Variants in FBXL13 observed in about 807,000 individuals in gnomAD.
The protein encoded by FBXL13 is F-box and leucine-rich repeat protein 13.
In FBXL13, 67 loss-of-function variants were observed where a neutral mutation model predicts 83.6. That is an observed-to-expected ratio of 0.80 (90% CI 0.66 to 0.98). The LOEUF is 0.98. Among genes scored for constraint, FBXL13 ranks in the 50% least tolerant of loss-of-function variants. The probability of loss-of-function intolerance (pLI) is 0.00; values close to 1 mark genes in which losing one functional copy is unlikely to be tolerated. For synonymous variants in FBXL13, 272 were observed against 299.5 expected (o/e 0.91, Z 0.95); for missense variants, 822 against 866.5 (o/e 0.95, Z 0.64).
At chr7:103,029,503 A>G (rs1341466913) in intron 2 of FBXL13, 85 bp from the exon 4 acceptor site, 13 of 691,168 alleles carry the variant, frequency 1.9e-5, no homozygotes. Flanking sequence ...CAAGAAAAAG[A>G]GAGCAATGGA....
In FBXL13 at chr7:102,851,070, G is replaced by T. The variant is rs150495788; in HGVS notation, c.1719+3707C>A. On this transcript the variant is annotated intron_variant, in intron 17 of 19. Transcript: ENST00000313221. ...AAAACTGTTACTGAATTAGTTTGCT[G>T]AGAAGGTATAAGACTTTGGGCCAGT... is the stretch of plus-strand genomic sequence containing the variant. Among the ~76,000 whole-genome samples, 618 of 152,310 alleles carry T rather than the reference G, an allele frequency of 4.1e-3. 5 individuals carry two copies. Among genetic ancestry groups the T allele is most frequent in the African/African-American group, 0.014 (592 of 41,584 alleles).
At chr7:103,063,985 G>A (rs182700985) in intron 1 of FBXL13, among the ~76,000 whole-genome samples, 142 of 152,324 alleles carry the variant, frequency 9.3e-4, no homozygotes, top group Non-Finnish European at 1.8e-3. Flanking sequence ...TGAAGCTTCA[G>A]TGTGGGTTTA....
At chr7:102,977,633 T>C (rs1210582638) in intron 6 of FBXL13, among the ~76,000 whole-genome samples, 1 of 152,220 alleles carries the variant, frequency 6.6e-6, no homozygotes, top group South Asian at 2.1e-4. Flanking sequence ...AAAACTCTTG[T>C]TGAAGCTACA....
At chr7:102,834,086 A>AAGGAAGGAAGGAAGGAAAAG (rs1562925844) in intron 17 of FBXL13, among the ~76,000 whole-genome samples, 3 of 93,678 alleles carry the variant, frequency 3.2e-5, no homozygotes, top group African/African-American at 1.4e-4. Context: ...GGAAGGAAAG[A>AAGGAAGGAAGGAAGGAAAAG]AAAGAAAGAA....
intron 11 of FBXL13, among the ~76,000 whole-genome samples, chr7:102,888,723 G>C (rs369131411): frequency 6.6e-6 from 1 of 151,968 alleles, no homozygotes; most frequent in African/African-American, 2.4e-5. Flanking sequence ...TTTTTTGTTT[G>C]TTTTTGTTTT....
chr7:102,881,714 A>G (rs959636464), intron 14 of FBXL13, among the ~76,000 whole-genome samples: 10 of 152,146 alleles, frequency 6.6e-5, no homozygotes, highest in Non-Finnish European at 4.4e-5. Flanking sequence ...GTTCTAGCTC[A>G]GGGTCTCTCA....
chr7:103,026,961 A>G (rs1442560853), intron 5 of FBXL13, among the ~76,000 whole-genome samples: 1 of 152,224 alleles, frequency 6.6e-6, no homozygotes, highest in Non-Finnish European at 1.5e-5. Context: ...GTAATGATAT[A>G]CTAATAGCTG....
chr7:102,924,340 C>A (rs1437473286), intron 10 of FBXL13, among the ~76,000 whole-genome samples: 1 of 151,742 alleles, frequency 6.6e-6, no homozygotes, highest in African/African-American at 2.4e-5. Context: ...TGATTTAGAT[C>A]ATCACTTCAT....
chr7:102,861,655 T>A (rs544893926), intron 16 of FBXL13, among the ~76,000 whole-genome samples: 15 of 152,298 alleles, frequency 9.8e-5, no homozygotes, highest in African/African-American at 3.6e-4. Flanking sequence ...GAATATATAG[T>A]AACATACTTA....
chr7:102,911,135 G>A (rs7779854), intron 11 of FBXL13, among the ~76,000 whole-genome samples: 23,570 of 152,184 alleles, frequency 0.15, 1,874 homozygotes, highest in Middle Eastern at 0.21. Context: ...ACAATGGGTG[G>A]AGCCTTCTGT....
In FBXL13 at chr7:102,914,697, C is replaced by A. The variant is rs530921135; in HGVS notation, c.879-1482G>T. Among the ~76,000 whole-genome samples the A allele has an allele frequency of 2.0e-5, 3 of 152,292 alleles. No individual in the cohort carries two copies. In the South Asian group the frequency reaches 6.2e-4, roughly 32 times the overall value. On this transcript the variant is annotated intron_variant, in intron 10 of 19. Coordinates refer to ENST00000313221, the Ensembl canonical transcript of FBXL13. ...ATCCCGATCTGGGAAGGGCTGTGTA[C>A]GTGAGATTCGACAGAGCGAGGGGGA...
intron 14 of FBXL13, among the ~76,000 whole-genome samples, chr7:102,880,422 A>G (rs1468789604): frequency 6.6e-6 from 1 of 152,180 alleles, no homozygotes; most frequent in Admixed American, 6.5e-5. Flanking sequence ...TGTGAGTTCT[A>G]ATCTGCTGAT....
At chr7:102,946,972 G>A (rs990361424) in intron 8 of FBXL13, among the ~76,000 whole-genome samples, 2 of 152,100 alleles carry the variant, frequency 1.3e-5, no homozygotes, top group African/African-American at 4.8e-5. Flanking sequence ...CACTGAGCCT[G>A]GACTGGATTG....
intron 17 of FBXL13, among the ~76,000 whole-genome samples, chr7:102,842,922 T>A (rs1314273093): frequency 6.6e-6 from 1 of 152,188 alleles, no homozygotes; most frequent in East Asian, 1.9e-4. Context: ...TGAACAGCAA[T>A]GACTGTTGCT....
chr7:103,061,811 G>A (rs952647790), intron 1 of FBXL13, among the ~76,000 whole-genome samples: 5 of 151,618 alleles, frequency 3.3e-5, no homozygotes, highest in Non-Finnish European at 5.9e-5. Context: ...GGTGGCAGGC[G>A]CCGGTAGTCC....
chr7:102,962,888 C>T (rs891016142), intron 8 of FBXL13, among the ~76,000 whole-genome samples: 3 of 149,986 alleles, frequency 2.0e-5, no homozygotes, highest in African/African-American at 4.9e-5. Context: ...TGCTAGATGA[C>T]GAGTTAGTGG....
chr7:102,943,538 A>G (rs1821878306), intron 8 of FBXL13, among the ~76,000 whole-genome samples: 1 of 152,206 alleles, frequency 6.6e-6, no homozygotes. Context: ...GGTAGTAACG[A>G]AAGAAACACT....
chr7:102,893,981 AGAG>A (rs557016924), intron 11 of FBXL13, among the ~76,000 whole-genome samples: 1,996 of 116,580 alleles, frequency 0.017, 55 homozygotes, highest in African/African-American at 0.071. Flanking sequence ...AAAGAAAGAA[AGAG>A]GAAAGAAAGA....
chr7:102,927,890 T>C (rs1818438254), intron 9 of FBXL13, among the ~76,000 whole-genome samples: 1 of 152,212 alleles, frequency 6.6e-6, no homozygotes. Context: ...TTGAAAACGT[T>C]TGGCATGCCA....
Sources: allele counts gnomAD v4.1 joint callset (sites outside exome capture counted in the v4.1 genomes callset), GRCh38; gene constraint gnomAD v4.1.1; transcripts MANE v1.5; gene names NCBI Gene and HGNC (gene_info 2026-07-23, HGNC 2026-07-21).